Variants in FMO5 observed in about 807,000 individuals in gnomAD.
FMO5 encodes flavin-containing monooxygenase 5.
In FMO5, 51 loss-of-function variants were observed where a neutral mutation model predicts 43.6. The ratio of observed to expected loss-of-function variants is 1.17; its 90% CI spans 0.93 to 1.48. FMO5 has a LOEUF of 1.48. FMO5 is among the 40% of genes most tolerant of loss of function. The pLI, the probability that FMO5 is intolerant of heterozygous loss-of-function variation, is 0.00. For synonymous variants in FMO5, 187 were observed against 216.5 expected, an observed-to-expected ratio of 0.86 and a Z score of 1.20; for missense variants, 644 against 643.0, an observed-to-expected ratio of 1.00 and a Z score of -0.02.
intron 6 of FMO5, among the ~76,000 whole-genome samples, chr1:147,206,805 C>A (rs1188943796): frequency 1.3e-5 from 2 of 149,408 alleles, no homozygotes; most frequent in South Asian, 4.2e-4. Flanking sequence ...GGAGATATAT[C>A]TGATGTAAAT....
chr1:147,215,711 G>T, intron 3 of FMO5, 43 bp downstream of exon 3: 2 of 1,413,058 alleles, frequency 1.4e-6, no homozygotes, highest in Non-Finnish European at 1.9e-6. Flanking sequence ...TCATTTACTT[G>T]GCAAACAACT....
In FMO5 at chr1:147,204,851, C is replaced by A. The variant is rs993594193; in HGVS notation, c.831-3347G>T. ...CAAGCTTGTATGTTTCTATACACAG[C>A]CTCTTCTAATTCTGAAAAGTGTTTC... On this transcript the variant is annotated intron_variant, in intron 6 of 8. Coordinates refer to ENST00000254090, the MANE Select transcript of FMO5 (RefSeq NM_001461.4). The A allele has an allele frequency of 2.2e-5, 35 of 1,601,824 alleles. No individual in the cohort carries two copies. The African/African-American group carries it at 4.3e-4, about 20-fold the overall frequency.
intron 2 of FMO5, chr1:147,223,407 T>C (rs1269556767): frequency 1.3e-5 from 2 of 152,262 alleles, no homozygotes; most frequent in African/African-American, 4.8e-5. Context: ...TAAGAAATGC[T>C]ATAAAGCCAC....
At chr1:147,220,413 A>G (rs587686972) in intron 2 of FMO5, among the ~76,000 whole-genome samples, 2 of 152,322 alleles carry the variant, frequency 1.3e-5, no homozygotes, top group East Asian at 3.9e-4. Context: ...TCAACATCCC[A>G]GCAAGCTATT....
chr1:147,226,991 G>A (rs1571469205), upstream of FMO5, among the ~76,000 whole-genome samples: 3 of 152,012 alleles, frequency 2.0e-5, no homozygotes, highest in Non-Finnish European at 2.9e-5. Flanking sequence ...CACCACACCT[G>A]GTAATTTTTG....
At chr1:147,218,709 A>G (rs1662458937) in intron 2 of FMO5, among the ~76,000 whole-genome samples, 1 of 152,198 alleles carries the variant, frequency 6.6e-6, no homozygotes, top group African/African-American at 2.4e-5. Context: ...TTTAATCTTC[A>G]TCCAGTGTTG....
At chr1:147,226,395 TG>T (rs1663987225), upstream of FMO5, among the ~76,000 whole-genome samples, 1 of 152,188 alleles carries the variant, frequency 6.6e-6, no homozygotes, top group Non-Finnish European at 1.5e-5. Context: ...TACAGATTAG[TG>T]GAGGAGACCA....
rs113405888 is a variant in FMO5, at chr1:147,221,676, C to T, written c.135+3219G>A. On this transcript the variant is annotated intron_variant, in intron 2 of 8. Coordinates refer to ENST00000254090, the MANE Select transcript of FMO5 (RefSeq NM_001461.4). ...CTGTATGTGTATTCCAAAAGTTCAA[C>T]GTTTACAAAGAGTAGAGCCATCCTA... Among the ~76,000 whole-genome samples, 43 of 152,292 alleles carry T rather than the reference C, an allele frequency of 2.8e-4. 3 individuals are homozygous for T. The highest frequency in any genetic ancestry group is 1.0e-3 in the African/African-American group (42 of 41,564).
intron 2 of FMO5, chr1:147,224,120 T>C (rs1663575298): frequency 1.8e-5 from 6 of 338,522 alleles, no homozygotes; most frequent in African/African-American, 4.4e-5. Flanking sequence ...TGAGGTAAGA[T>C]TGGGATGTCT....
intron 7 of FMO5, among the ~76,000 whole-genome samples, chr1:147,192,451 C>G (rs1364087830): frequency 2.6e-5 from 4 of 152,116 alleles, no homozygotes; most frequent in Non-Finnish European, 4.4e-5. Context: ...ATCATGTCGT[C>G]TGCAAACAGG....
At chr1:147,204,769 A>AT (rs1571276181) in intron 6 of FMO5, 11 of 1,566,710 alleles carry the variant, frequency 7.0e-6, no homozygotes, top group East Asian at 4.5e-5. Context: ...GTTGATAACC[A>AT]TTTTTTTCAT....
Position 147,208,889 on chromosome 1 carries a change from A to G in FMO5, c.793T>C (p.Phe265Leu), listed in dbSNP as rs1559661068. 1 of 1,614,008 alleles carries G rather than the reference A, an allele frequency of 6.2e-7. No individual in the cohort carries two copies. Among genetic ancestry groups the G allele is most frequent in the East Asian group, 2.2e-5 (1 of 44,890 alleles). The change falls in exon 6 of 9, where the codon TTT becomes CTT. Residue 265 changes from phenylalanine to leucine, a missense_variant. Transcript: ENST00000254090. ...TTCAGGCCAAACATTTCATGGTCAA[A>G]CCTTTGGTTTATCTTTTTTTCCAAA... is the stretch of plus-strand genomic sequence containing the variant. Reference protein sequence around the residue: ...KYLEKKINQRFDHEMFGLKPK... With the variant: ...KYLEKKINQRLDHEMFGLKPK...
chr1:147,217,368 G>GA (rs1280505987), intron 2 of FMO5, among the ~76,000 whole-genome samples: 3 of 151,960 alleles, frequency 2.0e-5, no homozygotes, highest in Non-Finnish European at 4.4e-5. Flanking sequence ...CACAAATGAG[G>GA]AGTTTTCAAA....
upstream of FMO5, among the ~76,000 whole-genome samples, chr1:147,227,252 T>C (rs1262342322): frequency 6.6e-6 from 1 of 152,238 alleles, no homozygotes; most frequent in Non-Finnish European, 1.5e-5. Flanking sequence ...AACCATTTTA[T>C]ATGCTAGAAG....
intron 2 of FMO5, among the ~76,000 whole-genome samples, chr1:147,217,787 C>G (rs1662274041): frequency 6.6e-6 from 1 of 152,162 alleles, no homozygotes; most frequent in African/African-American, 2.4e-5. Flanking sequence ...AGATGTTTTC[C>G]CATTTCCTGC....
chr1:147,201,730 A>T (rs782760183), intron 6 of FMO5, among the ~76,000 whole-genome samples: 2 of 152,138 alleles, frequency 1.3e-5, no homozygotes, highest in Non-Finnish European at 2.9e-5. Context: ...GGAGGAGTGA[A>T]GGAAGAGTGT....
chr1:147,201,474 A>G lies in FMO5; in HGVS notation c.861T>C (p.Asp287=). The G allele has an allele frequency of 1.2e-6, 2 of 1,614,068 alleles. No individual in the cohort carries two copies. The highest frequency in any genetic ancestry group is 1.7e-6 in the Non-Finnish European group (2 of 1,179,966). ...CAGAAATGATACGATTTGGCAGGTC[A>G]TCATTTAAGGTTGGATGCTGACTCA... ...RALSQHPTLN[D]DLPNRIISGL... The change falls in exon 7 of 9, where the codon GAT becomes GAC. Residue 287 remains aspartate (D), a synonymous_variant. Coordinates refer to ENST00000254090, the MANE Select transcript of FMO5 (RefSeq NM_001461.4).
downstream of FMO5, chr1:147,184,556 A>G: frequency 1.9e-6 from 3 of 1,548,808 alleles, no homozygotes; most frequent in Non-Finnish European, 2.6e-6. This position sits in a 1 kb window ranked among gnomAD's most constrained non-coding sequence, Gnocchi z 4.4. Context: ...GATGATCTTG[A>G]CAGTTTTGAG....
At chr1:147,218,299 G>A (rs587627985) in intron 2 of FMO5, among the ~76,000 whole-genome samples, 1 of 150,246 alleles carries the variant, frequency 6.7e-6, no homozygotes, top group East Asian at 2.0e-4. Flanking sequence ...GCAGTAGCAC[G>A]ATCTCAGCTC....
Sources: gnomAD v4.1 joint callset for allele counts (sites outside exome capture counted in the v4.1 genomes callset) on GRCh38, gnomAD v4.1.1 for gene constraint, Gnocchi (gnomAD v3.1) non-coding constraint, MANE v1.5 for transcripts, NCBI Gene and HGNC (gene_info 2026-07-23, HGNC 2026-07-21) for gene names.